The following ITGA2 variants were observed in gnomAD, a reference collection of about 807,000 sequenced individuals.
ITGA2 encodes the protein integrin subunit alpha 2, also known as integrin alpha-2.
ITGA2 carries 101 observed loss-of-function variants against 146.3 expected under a neutral mutation model. That is an observed-to-expected ratio of 0.69 (90% confidence interval 0.59 to 0.81). ITGA2 has a LOEUF of 0.81. Ranked by LOEUF, ITGA2 falls within the 40% of genes least tolerant of loss-of-function variation. The pLI is 0.00. For missense variants in ITGA2, 1,281 were observed against 1,402.7 expected (o/e 0.91, Z 1.39); for synonymous variants, 477 against 487.1 (o/e 0.98, Z 0.27).
chr5:53,056,357 A>G (rs767200058), intron 9 of ITGA2, among the ~76,000 whole-genome samples: 23 of 152,070 alleles, frequency 1.5e-4, no homozygotes, highest in Non-Finnish European at 2.9e-5. Flanking sequence ...AATATTCCCA[A>G]TTTACAAAGT....
intron 1 of ITGA2, among the ~76,000 whole-genome samples, chr5:53,022,304 A>G (rs1248954176): frequency 6.6e-6 from 1 of 152,022 alleles, no homozygotes; most frequent in Non-Finnish European, 1.5e-5. Context: ...CCTGGGCTCA[A>G]ATGATCCTCC....
intron 2 of ITGA2, among the ~76,000 whole-genome samples, 174 bp from the exon 3 acceptor site, chr5:53,041,938 A>G (rs929057542): frequency 6.6e-6 from 1 of 152,140 alleles, no homozygotes; most frequent in Non-Finnish European, 1.5e-5. Flanking sequence ...TGTTACAGAC[A>G]TTGATCAAAG....
chr5:52,991,258 C>T (rs1740939446), intron 1 of ITGA2, among the ~76,000 whole-genome samples: 1 of 152,168 alleles, frequency 6.6e-6, no homozygotes, highest in Non-Finnish European at 1.5e-5. Context: ...AAAGCTCTCT[C>T]ATTTGTGATA....
intron 25 of ITGA2, 116 bp from the exon 26 acceptor site, chr5:53,081,476 A>C (rs1745911764): frequency 2.6e-6 from 2 of 772,440 alleles, no homozygotes; most frequent in East Asian, 5.3e-5. Context: ...CGTTGAAAGA[A>C]GCCTAACAGC....
chr5:53,090,778 A>AGGGGGG lies in ITGA2; in HGVS notation c.*181_*182insGGGGGG. On this transcript the variant is annotated 3_prime_UTR_variant, in exon 30 of 30. Transcript: ENST00000296585. ...ATGAAGAAATTGTGGGGGGTGGGGG[A>AGGGGGG]GGTGCGGGGGGCAGGTAGGGAAATA... 2 of 131,620 alleles carry AGGGGGG rather than the reference A, an allele frequency of 1.5e-5. No individual in the cohort carries two copies. Among genetic ancestry groups the AGGGGGG allele is most frequent in the South Asian group, 1.2e-4 (1 of 8,514 alleles). 8.2% of individuals were successfully genotyped at this position (131,620 alleles called of 1,614,324 possible). A position where few individuals can be genotyped will look rare whatever the true frequency, so the allele number is the denominator to read the frequency against.
Position 53,055,705 on chromosome 5 carries a change from T to C in ITGA2, c.930+17T>C. ...GGCATAGCAGTAAGTGGCTTTTCTT[T>C]TCACTTGTCTTGCCGCTATTGGGTA... On this transcript the variant is annotated intron_variant, in intron 8 of 29. Transcript: ENST00000296585. The C allele has an allele frequency of 1.2e-6, 2 of 1,612,436 alleles. No homozygotes were observed. Among genetic ancestry groups the C allele is most frequent in the Non-Finnish European group, 1.7e-6 (2 of 1,179,066 alleles).
At chr5:53,051,646 A>G in intron 7 of ITGA2, 87 bp downstream of exon 7, 1 of 1,334,692 alleles carries the variant, frequency 7.5e-7, no homozygotes, top group South Asian at 1.2e-5. Flanking sequence ...GGAAAAGACA[A>G]AGAAAAATAA....
rs1740521204 is a variant in ITGA2 at position 53,093,208 on chromosome 5, C to T, written c.*2609C>T. On this transcript the variant is annotated 3_prime_UTR_variant, in exon 30 of 30. Coordinates refer to ENST00000296585, the MANE Select transcript of ITGA2 (RefSeq NM_002203.4). Reference sequence around the variant, plus strand: ...ACATCCTTCCTTTTACTCTGTCTCACCTCCTTTAGGTGAGTACTTCCTTAA... The same window carrying T: ...ACATCCTTCCTTTTACTCTGTCTCATCTCCTTTAGGTGAGTACTTCCTTAA... The T allele has an allele frequency of 1.3e-5, 2 of 152,208 alleles. No homozygotes were observed. Among genetic ancestry groups the T allele is most frequent in the African/African-American group, 4.8e-5 (2 of 41,432 alleles). The allele number at this position is 152,208 out of a possible 1,614,324, so 9.4% of individuals were successfully genotyped here. A position where few individuals can be genotyped will look rare whatever the true frequency, so the allele number is the denominator to read the frequency against.
chr5:53,026,502 A>G (rs1742951668), intron 1 of ITGA2, among the ~76,000 whole-genome samples: 1 of 152,238 alleles, frequency 6.6e-6, no homozygotes, highest in African/African-American at 2.4e-5. Context: ...AGATAATATT[A>G]GTAACTATCT....
At chr5:53,048,258 G>A in intron 4 of ITGA2, 105 bp from the exon 5 acceptor site, 3 of 859,556 alleles carry the variant, frequency 3.5e-6, no homozygotes, top group Non-Finnish European at 5.9e-6. Context: ...ACAATTATTA[G>A]TATCTTAGAA....
chr5:53,026,614 T>C, intron 1 of ITGA2, 134 bp from the exon 2 acceptor site: 1 of 791,622 alleles, frequency 1.3e-6, no homozygotes, highest in Non-Finnish European at 2.1e-6. Context: ...CAGTAGTTAT[T>C]TTTTCTGGGT....
intron 6 of ITGA2, among the ~76,000 whole-genome samples, chr5:53,050,463 G>GCACA (rs1744301904): frequency 2.0e-5 from 3 of 152,056 alleles, no homozygotes; most frequent in African/African-American, 7.2e-5. Context: ...CTAGAGAAAG[G>GCACA]GGTCCAGGAA....
intron 28 of ITGA2, among the ~76,000 whole-genome samples, chr5:53,087,660 C>T (rs906519497): frequency 6.8e-6 from 1 of 147,500 alleles, no homozygotes; most frequent in South Asian, 2.2e-4. Context: ...GAGAAATGTA[C>T]TTTCACAGAA....
In ITGA2 at chr5:53,055,685, A is replaced by G. The variant is rs1443002281; in HGVS notation, c.927A>G (p.Ile309Met). The G allele has an allele frequency of 1.3e-5, 21 of 1,612,986 alleles. No individual in the cohort carries two copies. The highest frequency in any genetic ancestry group is 1.6e-5 in the Non-Finnish European group (19 of 1,179,356). The part of the protein sequence containing the change: ...CNHDNILRFG[I>M]AVLGYLNRNA... ...ATGACAATATACTGAGGTTTGGCATAGCAGTAAGTGGCTTTTCTTTTCACT... is the reference window on the plus strand; with the variant it reads ...ATGACAATATACTGAGGTTTGGCATGGCAGTAAGTGGCTTTTCTTTTCACT... Residue 309 changes from isoleucine to methionine, a missense_variant, in exon 8 of 30, where the codon ATA (isoleucine) becomes ATG (methionine). Ile to Met is a conservative substitution (Grantham distance 10). Coordinates refer to ENST00000296585, the MANE Select transcript of ITGA2 (RefSeq NM_002203.4).
chr5:53,026,581 C>T (rs1413985610), intron 1 of ITGA2, among the ~76,000 whole-genome samples, 167 bp from the exon 2 acceptor site: 1 of 152,104 alleles, frequency 6.6e-6, no homozygotes, highest in East Asian at 1.9e-4. Flanking sequence ...TGGTGCCGGG[C>T]CTCCAAATAA....
rs1220215442 is a variant in ITGA2 at position 53,091,028 on chromosome 5, T to C, written c.*429T>C. 2 of 382,862 alleles carry C rather than the reference T, an allele frequency of 5.2e-6. No homozygotes were observed. Among genetic ancestry groups the C allele is most frequent in the Admixed American group, 8.3e-5 (2 of 24,036 alleles). 23.7% of individuals were successfully genotyped at this position (382,862 alleles called of 1,614,324 possible). A position where few individuals can be genotyped will look rare whatever the true frequency, so the allele number is the denominator to read the frequency against. On this transcript the variant is annotated 3_prime_UTR_variant, in exon 30 of 30. Transcript: ENST00000296585. ...ACTACAGAAGTGGAAGTGCTTGATA[T>C]GTAAGTACTTCCACTTGTGTATATT...
rs1470602476 is a variant in ITGA2, at chr5:53,091,277, T to G, written c.*678T>G. 1 of 153,932 alleles carries G rather than the reference T, an allele frequency of 6.5e-6. No homozygotes were observed. The highest frequency in any genetic ancestry group is 1.4e-5 in the Non-Finnish European group (1 of 69,016). 9.5% of individuals were successfully genotyped at this position (153,932 alleles called of 1,614,324 possible). A position where few individuals can be genotyped will look rare whatever the true frequency, so the allele number is the denominator to read the frequency against. On this transcript the variant is annotated 3_prime_UTR_variant, in exon 30 of 30. Coordinates refer to ENST00000296585, the MANE Select transcript of ITGA2 (RefSeq NM_002203.4). Reference sequence around the variant, plus strand: ...TGAATAACTGAGCTTAGAGTATACCTCCTATATGTCCATTTAAGTTAGGAG... The same window carrying G: ...TGAATAACTGAGCTTAGAGTATACCGCCTATATGTCCATTTAAGTTAGGAG...
At chr5:52,995,860 G>A (rs1412471589) in intron 1 of ITGA2, among the ~76,000 whole-genome samples, 1 of 152,210 alleles carries the variant, frequency 6.6e-6, no homozygotes, top group Non-Finnish European at 1.5e-5. Flanking sequence ...GCTTTAGAGG[G>A]TCAGGTGAGG....
At chr5:52,991,417 T>TAC (rs3839264) in intron 1 of ITGA2, among the ~76,000 whole-genome samples, 132 of 150,670 alleles carry the variant, frequency 8.8e-4, no homozygotes, top group African/African-American at 1.5e-3. Context: ...TCACTATCAT[T>TAC]ACACACACAC....
Sources: gnomAD v4.1 joint callset for allele counts (sites outside exome capture counted in the v4.1 genomes callset) on GRCh38, gnomAD v4.1.1 for gene constraint, MANE v1.5 for transcripts, NCBI Gene and HGNC (gene_info 2026-07-23, HGNC 2026-07-21) for gene names.